TENM2: variants seen among roughly 807,000 people sequenced by gnomAD.
The protein encoded by TENM2 is teneurin transmembrane protein 2, also known as teneurin-2.
TENM2 carries 52 observed loss-of-function variants against 245.2 expected under a neutral mutation model. That is an observed-to-expected ratio of 0.21 (90% CI 0.17 to 0.27). The LOEUF is 0.27. Among genes scored for constraint, TENM2 ranks in the 10% least tolerant of loss-of-function variants. The pLI is 1.00. For synonymous variants in TENM2, 1,363 were observed against 1,438.9 expected, an observed-to-expected ratio of 0.95 and a Z score of 1.19; for missense variants, 3,046 against 3,666.8, an observed-to-expected ratio of 0.83 and a Z score of 4.37.
At chr5:167,143,155 A>G in the TENM2 span, among the ~76,000 whole-genome samples, 1 of 152,212 alleles carries the variant, frequency 6.6e-6, no homozygotes, top group East Asian at 1.9e-4. Flanking sequence ...AAATCTGTGC[A>G]GTCCTGTTGT....
intron 1 of TENM2, among the ~76,000 whole-genome samples, chr5:167,310,828 C>T (rs975306060): frequency 5.3e-5 from 8 of 151,960 alleles, no homozygotes; most frequent in Non-Finnish European, 7.4e-5. Flanking sequence ...GAATTGATGA[C>T]GTTAATAAAA....
chr5:167,263,530 A>G, the TENM2 span, among the ~76,000 whole-genome samples: 9 of 152,148 alleles, frequency 5.9e-5, no homozygotes, highest in Non-Finnish European at 1.3e-4. Context: ...TATATCTCCT[A>G]CTTGGATCTT....
At chr5:167,521,664 T>A (rs1770765252) in intron 2 of TENM2, among the ~76,000 whole-genome samples, 1 of 152,132 alleles carries the variant, frequency 6.6e-6, no homozygotes, top group Admixed American at 6.6e-5. Flanking sequence ...CCATGTGTTT[T>A]TTAGGGAGTT....
chr5:168,052,417 C>G (rs1301146048), intron 6 of TENM2, among the ~76,000 whole-genome samples: 1 of 151,726 alleles, frequency 6.6e-6, no homozygotes, highest in Non-Finnish European at 1.5e-5. Flanking sequence ...CACACACACA[C>G]ACATATATAT....
At chr5:167,384,162 A>G (rs1241523673) in intron 2 of TENM2, among the ~76,000 whole-genome samples, 1 of 152,184 alleles carries the variant, frequency 6.6e-6, no homozygotes, top group Non-Finnish European at 1.5e-5. Flanking sequence ...AATAGACAAA[A>G]ATATTGACTT....
rs777170514 is a variant in TENM2, at chr5:167,853,289, C to CAAAAAAAAAAAAAAAAAAAA, written c.503-22693_503-22674dup. Among the ~76,000 whole-genome samples the CAAAAAAAAAAAAAAAAAAAA allele has an allele frequency of 2.2e-3, 55 of 24,608 alleles. 3 individuals are homozygous for CAAAAAAAAAAAAAAAAAAAA. Among genetic ancestry groups the CAAAAAAAAAAAAAAAAAAAA allele is most frequent in the Admixed American group, 6.1e-3 (10 of 1,648 alleles). 16.1% of individuals were successfully genotyped at this position (24,608 alleles called of 152,430 possible). The stretch of plus-strand genomic sequence containing the variant: ...TGGGAGACAGAGCGAGACTCCGTCT[C>CAAAAAAAAAAAAAAAAAAAA]AAAAAAAAAAAAAAAAAAAAAAAGA... On this transcript the variant is annotated intron_variant, in intron 2 of 28. Transcript: ENST00000518659.
chr5:168,233,309 A>G (rs530254304), intron 25 of TENM2, among the ~76,000 whole-genome samples: 1 of 152,202 alleles, frequency 6.6e-6, no homozygotes, highest in South Asian at 2.1e-4. Context: ...CTGGCAGCAG[A>G]GTGAGACTCC....
chr5:167,077,614 T>C, the TENM2 span, among the ~76,000 whole-genome samples: 1 of 152,238 alleles, frequency 6.6e-6, no homozygotes, highest in Non-Finnish European at 1.5e-5. Flanking sequence ...TTATGTATTT[T>C]TAAATCATGC....
intron 12 of TENM2, among the ~76,000 whole-genome samples, chr5:168,152,596 T>G (rs1756752049): frequency 6.6e-6 from 1 of 152,228 alleles, no homozygotes; most frequent in East Asian, 1.9e-4. Context: ...ATTTCCATAC[T>G]GGTAGGTACC....
intron 2 of TENM2, among the ~76,000 whole-genome samples, chr5:167,584,984 A>G (rs1166668533): frequency 3.5e-4 from 54 of 152,216 alleles, no homozygotes; most frequent in Non-Finnish European, 8.8e-5. Context: ...ATCTGGCAGC[A>G]TAATGTTAAT....
chr5:167,226,844 T>C, the TENM2 span, among the ~76,000 whole-genome samples: 1 of 152,044 alleles, frequency 6.6e-6, no homozygotes, highest in Admixed American at 6.5e-5. Context: ...GACATTTGTT[T>C]TATGAATCTG....
At chr5:166,995,860 A>G in the TENM2 span, among the ~76,000 whole-genome samples, 1 of 150,818 alleles carries the variant, frequency 6.6e-6, no homozygotes, top group African/African-American at 2.4e-5. Flanking sequence ...TCTCTTATAA[A>G]TGAGGAAATT....
the TENM2 span, among the ~76,000 whole-genome samples, chr5:167,136,272 A>G: frequency 6.6e-6 from 1 of 152,162 alleles, no homozygotes; most frequent in East Asian, 1.9e-4. Context: ...GGCTGAATGA[A>G]TCAACAAATT....
the TENM2 span, among the ~76,000 whole-genome samples, chr5:167,193,313 T>C: frequency 6.6e-6 from 1 of 152,032 alleles, no homozygotes; most frequent in Admixed American, 6.6e-5. Context: ...ACCATAGGTG[T>C]GCAATTCCTG....
intron 5 of TENM2, among the ~76,000 whole-genome samples, chr5:168,028,433 G>A (rs1340549683): frequency 6.6e-6 from 1 of 152,022 alleles, no homozygotes; most frequent in East Asian, 1.9e-4. Context: ...GGTGCTCAGG[G>A]GCGATTCTAG....
intron 2 of TENM2, among the ~76,000 whole-genome samples, chr5:167,597,393 T>G (rs1026972576): frequency 6.6e-6 from 1 of 152,022 alleles, no homozygotes; most frequent in Non-Finnish European, 1.5e-5. Flanking sequence ...TCTCAAACTC[T>G]GGACCTCAGG....
rs1194097629 is a variant in TENM2, at chr5:167,754,472, AGAT to A, written c.503-121510_503-121508del. 2.0e-4 allele frequency among the ~76,000 whole-genome samples: 31 copies of A among 152,200 alleles called. 1 individual carries two copies. Among genetic ancestry groups the A allele is most frequent in the Non-Finnish European group, 1.2e-4 (8 of 68,046 alleles). On this transcript the variant is annotated intron_variant, in intron 2 of 28. Coordinates refer to ENST00000518659, the Ensembl canonical transcript of TENM2. ...TTTAACGCTTGTTTTACTTGAGGGAAGATGATATTTGAACATTCTATAGCATCC... is the reference window on the plus strand; with the variant it reads ...TTTAACGCTTGTTTTACTTGAGGGAAGATATTTGAACATTCTATAGCATCC...
intron 17 of TENM2, among the ~76,000 whole-genome samples, chr5:168,202,689 G>A (rs936367894): frequency 5.9e-5 from 9 of 151,620 alleles, no homozygotes; most frequent in Admixed American, 5.9e-4. Context: ...CATTTTCAGA[G>A]GACAAGCTAG....
intron 27 of TENM2, among the ~76,000 whole-genome samples, chr5:168,251,030 A>G (rs1191217407): frequency 6.6e-6 from 1 of 152,114 alleles, no homozygotes; most frequent in African/African-American, 2.4e-5. Context: ...AGAGAGGAGG[A>G]GTGTTCCAGA....
Sources: allele counts gnomAD v4.1 joint callset (sites outside exome capture counted in the v4.1 genomes callset), GRCh38; gene constraint gnomAD v4.1.1; transcripts MANE v1.5; gene names NCBI Gene and HGNC (gene_info 2026-07-23, HGNC 2026-07-21).